Variants in AGBL4 observed in about 807,000 individuals in gnomAD.
AGBL4 encodes cytosolic carboxypeptidase 6.
In AGBL4, 58 loss-of-function variants were observed where a neutral mutation model predicts 66.4. That is an observed-to-expected ratio of 0.87 (90% confidence interval 0.71 to 1.09). AGBL4 has a LOEUF of 1.09. AGBL4 is among the 50% of genes least tolerant of loss of function. AGBL4 has a pLI of 0.00. For synonymous variants in AGBL4, 234 were observed against 222.9 expected (o/e 1.05, Z -0.44); for missense variants, 579 against 631.0 (o/e 0.92, Z 0.88).
At chr1:48,802,100 C>T (rs1298672332) in intron 6 of AGBL4, among the ~76,000 whole-genome samples, 1 of 152,118 alleles carries the variant, frequency 6.6e-6, no homozygotes, top group African/African-American at 2.4e-5. Flanking sequence ...AGGATGGAGG[C>T]CAGGCTCCTT....
At chr1:49,506,581 C>T (rs1570902821) in intron 3 of AGBL4, among the ~76,000 whole-genome samples, 1 of 151,986 alleles carries the variant, frequency 6.6e-6, no homozygotes, top group East Asian at 1.9e-4. Context: ...TGACTTTACT[C>T]CTCCTTTGCC....
At chr1:49,996,798 A>C (rs982817333) in intron 1 of AGBL4, among the ~76,000 whole-genome samples, 1 of 152,216 alleles carries the variant, frequency 6.6e-6, no homozygotes, top group African/African-American at 2.4e-5. Context: ...AAAGTATATT[A>C]ACAGCTATGA....
intron 5 of AGBL4, among the ~76,000 whole-genome samples, chr1:48,980,568 C>A (rs549124161): frequency 3.6e-4 from 55 of 151,536 alleles, no homozygotes; most frequent in African/African-American, 1.3e-3. Context: ...GGCATGGTGG[C>A]CAGTATCTGT....
At chr1:48,571,799 C>A (rs1171015557) in intron 11 of AGBL4, among the ~76,000 whole-genome samples, 1 of 152,176 alleles carries the variant, frequency 6.6e-6, no homozygotes, top group Non-Finnish European at 1.5e-5. Flanking sequence ...TCACCACAAA[C>A]CTTTCCTGTA....
chr1:49,296,496 T>C (rs1644645787), intron 3 of AGBL4, among the ~76,000 whole-genome samples: 1 of 152,204 alleles, frequency 6.6e-6, no homozygotes, highest in South Asian at 2.1e-4. Flanking sequence ...TAATTAACCA[T>C]TACTTTCTCT....
chr1:49,395,195 A>G (rs1466448448), intron 3 of AGBL4, among the ~76,000 whole-genome samples: 1 of 152,134 alleles, frequency 6.6e-6, no homozygotes, highest in East Asian at 1.9e-4. Flanking sequence ...CATTAATATG[A>G]TTTGAACACT....
intron 5 of AGBL4, among the ~76,000 whole-genome samples, chr1:48,915,645 G>A (rs1653522702): frequency 6.6e-6 from 1 of 152,106 alleles, no homozygotes; most frequent in African/African-American, 2.4e-5. Flanking sequence ...GAACTTGTTA[G>A]AAACGTAAGT....
At chr1:49,668,613 G>A (rs1646414906) in intron 3 of AGBL4, among the ~76,000 whole-genome samples, 1 of 152,158 alleles carries the variant, frequency 6.6e-6, no homozygotes, top group Non-Finnish European at 1.5e-5. Flanking sequence ...GAAAGCGACT[G>A]TCTACAATTG....
intron 3 of AGBL4, among the ~76,000 whole-genome samples, chr1:49,403,944 C>T (rs902338949): frequency 1.3e-5 from 2 of 152,140 alleles, no homozygotes; most frequent in Non-Finnish European, 2.9e-5. Context: ...TCACCCTCTT[C>T]TATCTGAGTC....
intron 4 of AGBL4, among the ~76,000 whole-genome samples, chr1:49,152,591 G>GGGCT (rs1294449474): frequency 1.3e-5 from 2 of 152,160 alleles, no homozygotes; most frequent in Non-Finnish European, 2.9e-5. Flanking sequence ...TACATTTCTG[G>GGGCT]GGCTGGAGCC....
intron 4 of AGBL4, among the ~76,000 whole-genome samples, chr1:49,065,949 T>TA (rs1644484535): frequency 6.6e-6 from 1 of 152,124 alleles, no homozygotes; most frequent in South Asian, 2.1e-4. Flanking sequence ...GTTCTGACAG[T>TA]AGGGTGGTTA....
chr1:48,871,071 G>T (rs934716177), intron 5 of AGBL4, among the ~76,000 whole-genome samples: 2 of 152,174 alleles, frequency 1.3e-5, no homozygotes, highest in Admixed American at 1.3e-4. Context: ...TGTGGCATTT[G>T]TAAAAATAGA....
chr1:49,056,163 C>T (rs574276234), intron 4 of AGBL4, among the ~76,000 whole-genome samples: 12 of 152,070 alleles, frequency 7.9e-5, no homozygotes, highest in Non-Finnish European at 1.2e-4. Context: ...TAAATACTGC[C>T]TGTTTTATTT....
In AGBL4 at chr1:48,653,350, G is replaced by C. The variant is rs766152793; in HGVS notation, c.826C>G (p.Leu276Val). Residue 276 changes from leucine (L) to valine (V), a missense_variant, in exon 8 of 14, where the codon CTG (leucine) becomes GTG (valine). Leu to Val is a conservative substitution (Grantham distance 32, BLOSUM62 1). Transcript: ENST00000371839. ...APMLNPDGVYLGNYRCSLMGF... is the reference protein window; with the variant it reads ...APMLNPDGVYVGNYRCSLMGF... ...CCAATTCCTTACCTGTAATTGCCCA[G>C]GTAGACTCCATCAGGATTGAGCATT... 5 of 1,577,558 alleles carry C rather than the reference G, an allele frequency of 3.2e-6. No individual in the cohort carries two copies. The African/African-American group carries it at 4.0e-5, about 13-fold the overall frequency.
chr1:49,948,227 T>TATAAATAAATAC (rs1557609034), intron 1 of AGBL4, among the ~76,000 whole-genome samples: 4 of 103,842 alleles, frequency 3.9e-5, no homozygotes, highest in Non-Finnish European at 5.1e-5. Flanking sequence ...TATATAAATA[T>TATAAATAAATAC]ATATAAATAT....
chr1:48,777,693 G>A (rs1451485828), intron 6 of AGBL4, among the ~76,000 whole-genome samples: 1 of 152,118 alleles, frequency 6.6e-6, no homozygotes, highest in African/African-American at 2.4e-5. Flanking sequence ...ATCTGAGGGA[G>A]CAGTGGCGCC....
intron 5 of AGBL4, among the ~76,000 whole-genome samples, chr1:48,992,834 G>A (rs531942332): frequency 1.4e-4 from 21 of 152,230 alleles, no homozygotes; most frequent in Admixed American, 2.6e-4. Flanking sequence ...TCTTCAGTCA[G>A]CTTGTAGTGA....
chr1:49,837,827 A>T (rs1645891231), intron 2 of AGBL4, among the ~76,000 whole-genome samples: 5 of 152,206 alleles, frequency 3.3e-5, no homozygotes. Flanking sequence ...CCTGGGCGAC[A>T]GAGTAAGACT....
chr1:48,704,949 G>A (rs998034031), intron 6 of AGBL4, among the ~76,000 whole-genome samples: 1 of 152,226 alleles, frequency 6.6e-6, no homozygotes, highest in Non-Finnish European at 1.5e-5. Flanking sequence ...CGGCAGCACA[G>A]TAGCTCTATT....
Sources: allele counts gnomAD v4.1 joint callset (sites outside exome capture counted in the v4.1 genomes callset), GRCh38; gene constraint gnomAD v4.1.1; transcripts MANE v1.5; gene names NCBI Gene and HGNC (gene_info 2026-07-23, HGNC 2026-07-21).